Variants in SLC35F1 observed in about 807,000 individuals in gnomAD.
SLC35F1 encodes the protein solute carrier family 35 member F1.
A neutral mutation model predicts 48.7 loss-of-function variants in SLC35F1; 14 were observed. That is an observed-to-expected ratio of 0.29 (90% CI 0.19 to 0.45). The LOEUF (loss-of-function observed/expected upper bound fraction) is 0.45, where lower values mean the gene tolerates loss of function less well. SLC35F1 is among the 20% of genes least tolerant of loss of function. The pLI, the probability that SLC35F1 is intolerant of heterozygous loss-of-function variation, is 1.00. For missense variants in SLC35F1, 404 were observed against 500.0 expected, an observed-to-expected ratio of 0.81 and a Z score of 1.83; for synonymous variants, 190 against 202.2, an observed-to-expected ratio of 0.94 and a Z score of 0.51.
At chr6:118,267,932 A>G (rs1031395542) in intron 4 of SLC35F1, among the ~76,000 whole-genome samples, 1 of 152,160 alleles carries the variant, frequency 6.6e-6, no homozygotes, top group Non-Finnish European at 1.5e-5. Flanking sequence ...TGGAACAGAA[A>G]AAAAATGACC....
chr6:118,021,885 G>A (rs920842640), intron 1 of SLC35F1, among the ~76,000 whole-genome samples: 2 of 152,176 alleles, frequency 1.3e-5, no homozygotes, highest in Non-Finnish European at 2.9e-5. Context: ...GGAATTTGGT[G>A]CTGGTTGTCA....
intron 2 of SLC35F1, among the ~76,000 whole-genome samples, chr6:118,156,944 T>C (rs954580101): frequency 2.6e-5 from 4 of 152,092 alleles, no homozygotes; most frequent in Non-Finnish European, 5.9e-5. Context: ...CAATAATTTA[T>C]AGGTAGAGGC....
At chr6:118,250,688 T>C (rs1582752211) in intron 3 of SLC35F1, among the ~76,000 whole-genome samples, 1 of 152,232 alleles carries the variant, frequency 6.6e-6, no homozygotes, top group East Asian at 1.9e-4. Flanking sequence ...AAATGAGTCA[T>C]GGCAGCCAGG....
At chr6:118,174,671 G>A (rs1582711888) in intron 2 of SLC35F1, among the ~76,000 whole-genome samples, 1 of 151,942 alleles carries the variant, frequency 6.6e-6, no homozygotes, top group East Asian at 1.9e-4. Context: ...CATATTTGTT[G>A]AAACACATCA....
intron 3 of SLC35F1, among the ~76,000 whole-genome samples, chr6:118,239,696 A>G (rs1339921535): frequency 6.6e-6 from 1 of 152,146 alleles, no homozygotes; most frequent in Non-Finnish European, 1.5e-5. Flanking sequence ...ATCTTTCTCA[A>G]GTTAGCCATT....
intron 2 of SLC35F1, among the ~76,000 whole-genome samples, chr6:118,218,074 A>G (rs74347865): frequency 0.053 from 8,139 of 152,210 alleles, 308 homozygotes; most frequent in African/African-American, 0.1. Flanking sequence ...TGGGATTTTG[A>G]TTCAGTTATA....
At chr6:118,109,622 A>C (rs1773371553) in intron 1 of SLC35F1, among the ~76,000 whole-genome samples, 1 of 151,924 alleles carries the variant, frequency 6.6e-6, no homozygotes, top group African/African-American at 2.4e-5. Flanking sequence ...TTTAGAATGT[A>C]AGACCTTGGA....
intron 1 of SLC35F1, among the ~76,000 whole-genome samples, chr6:118,027,104 G>C (rs1283028913): frequency 6.6e-6 from 1 of 152,086 alleles, no homozygotes; most frequent in African/African-American, 2.4e-5. Flanking sequence ...CTAATGCTTT[G>C]AGGTTCATCC....
At chr6:118,272,666 A>G (rs930249666) in intron 4 of SLC35F1, among the ~76,000 whole-genome samples, 8 of 150,698 alleles carry the variant, frequency 5.3e-5, no homozygotes, top group South Asian at 2.1e-4. Flanking sequence ...ATATAATTTT[A>G]TAGTAAAGGG....
intron 1 of SLC35F1, among the ~76,000 whole-genome samples, chr6:118,013,027 C>T (rs1363214056): frequency 2.0e-5 from 3 of 152,100 alleles, no homozygotes; most frequent in African/African-American, 7.2e-5. Context: ...CACCAGAGAA[C>T]AGCACTTAAA....
At chr6:118,096,315 T>C (rs1773175461) in intron 1 of SLC35F1, among the ~76,000 whole-genome samples, 1 of 152,216 alleles carries the variant, frequency 6.6e-6, no homozygotes, top group Non-Finnish European at 1.5e-5. Context: ...ATAGCTGAAT[T>C]CCCATTTCCT....
At chr6:118,170,594 C>T (rs986378936) in intron 2 of SLC35F1, among the ~76,000 whole-genome samples, 1 of 152,044 alleles carries the variant, frequency 6.6e-6, no homozygotes, top group Non-Finnish European at 1.5e-5. Flanking sequence ...TGTGCACCAC[C>T]ATGCCCAGCT....
intron 1 of SLC35F1, among the ~76,000 whole-genome samples, chr6:118,035,783 A>T (rs1772122338): frequency 7.8e-6 from 1 of 127,778 alleles, no homozygotes; most frequent in African/African-American, 3.0e-5. Context: ...TCCACCTCCC[A>T]GGTTCATGCC....
In SLC35F1 at chr6:118,146,369, C is replaced by T. The variant is rs566139735; in HGVS notation, c.174-8076C>T. Among the ~76,000 whole-genome samples the T allele has an allele frequency of 2.0e-5, 3 of 152,272 alleles. No individual in the cohort carries two copies. The South Asian group carries it at 6.2e-4, about 32-fold the overall frequency. On this transcript the variant is annotated intron_variant, in intron 1 of 7. Transcript: ENST00000360388. ...ACTTTAAATTCCTCTGTGCTTACCT[C>T]TGTTTACCCATATCTTCTATTATTA... is the stretch of plus-strand genomic sequence containing the variant.
At chr6:118,219,583 A>G (rs982115049) in intron 2 of SLC35F1, among the ~76,000 whole-genome samples, 1 of 152,192 alleles carries the variant, frequency 6.6e-6, no homozygotes, top group Non-Finnish European at 1.5e-5. Context: ...ACCCACAACC[A>G]TTGTGGAAGA....
At chr6:118,188,225 T>C (rs1774685607) in intron 2 of SLC35F1, among the ~76,000 whole-genome samples, 1 of 152,178 alleles carries the variant, frequency 6.6e-6, no homozygotes, top group Non-Finnish European at 1.5e-5. Context: ...TGTCTTCATT[T>C]ACTAAAGTTC....
At chr6:117,979,206 A>T (rs1397926697) in intron 1 of SLC35F1, among the ~76,000 whole-genome samples, 3 of 152,212 alleles carry the variant, frequency 2.0e-5, no homozygotes, top group Non-Finnish European at 4.4e-5. Context: ...TTGCTTGGAC[A>T]TCACCTCCTG....
chr6:118,180,717 G>A (rs1389979561), intron 2 of SLC35F1, among the ~76,000 whole-genome samples: 1 of 152,082 alleles, frequency 6.6e-6, no homozygotes, highest in Non-Finnish European at 1.5e-5. Flanking sequence ...TGGAGAGTGA[G>A]AATGTGCAAT....
chr6:118,206,134 A>G (rs1774933032), intron 2 of SLC35F1, among the ~76,000 whole-genome samples: 1 of 152,252 alleles, frequency 6.6e-6, no homozygotes, highest in Non-Finnish European at 1.5e-5. Flanking sequence ...AATGAATTAT[A>G]CACTTAAAAA....
Sources: allele counts gnomAD v4.1 joint callset (sites outside exome capture counted in the v4.1 genomes callset), GRCh38; gene constraint gnomAD v4.1.1; transcripts MANE v1.5; gene names NCBI Gene and HGNC (gene_info 2026-07-23, HGNC 2026-07-21).